Variants in EYS observed in about 807,000 individuals in gnomAD.
The protein encoded by EYS is EGF-like photoreceptor maintenance factor.
In EYS, 250 loss-of-function variants were observed where a neutral mutation model predicts 282.1. That is an observed-to-expected ratio of 0.89 (90% CI 0.80 to 0.98). EYS has a LOEUF of 0.98. Among genes scored for constraint, EYS ranks in the 50% least tolerant of loss-of-function variants. EYS has a pLI of 0.00. For missense variants in EYS, 4,016 were observed against 3,709.0 expected, an observed-to-expected ratio of 1.08 and a Z score of -2.15; for synonymous variants, 1,355 against 1,282.9, an observed-to-expected ratio of 1.06 and a Z score of -1.20.
At chr6:64,419,139 G>A (rs145375263) in intron 28 of EYS, among the ~76,000 whole-genome samples, 51 of 152,230 alleles carry the variant, frequency 3.4e-4, no homozygotes, top group Non-Finnish European at 6.5e-4. Context: ...ACGATCATAA[G>A]TAGCTATATT....
intron 30 of EYS, among the ~76,000 whole-genome samples, chr6:64,252,761 T>A (rs762360851): frequency 6.6e-6 from 1 of 152,192 alleles, no homozygotes; most frequent in Non-Finnish European, 1.5e-5. Context: ...CTGACACTCC[T>A]CTAGTACAAG....
At chr6:64,979,292 A>C (rs1299147791) in intron 14 of EYS, among the ~76,000 whole-genome samples, 1 of 151,830 alleles carries the variant, frequency 6.6e-6, no homozygotes, top group Non-Finnish European at 1.5e-5. Context: ...AACTTAAAAC[A>C]AGATGAAAAT....
At chr6:65,537,555 A>AAGAGAG (rs3049760) in intron 2 of EYS, among the ~76,000 whole-genome samples, 6 of 151,396 alleles carry the variant, frequency 4.0e-5, no homozygotes, top group East Asian at 2.0e-4. Flanking sequence ...CAGAGAGAGA[A>AAGAGAG]AGAGAGAGAG....
chr6:65,568,760 A>G (rs1324556047), intron 2 of EYS, among the ~76,000 whole-genome samples: 1 of 152,140 alleles, frequency 6.6e-6, no homozygotes, highest in African/African-American at 2.4e-5. Context: ...GTCTTTTCTA[A>G]TTGACAAAAG....
intron 33 of EYS, among the ~76,000 whole-genome samples, chr6:64,005,310 T>C (rs1254964816): frequency 1.3e-5 from 2 of 152,204 alleles, no homozygotes; most frequent in East Asian, 3.8e-4. Context: ...GCCCACTTTT[T>C]AGTGAGGTTT....
chr6:64,260,603 C>T (rs1433406867), intron 30 of EYS, among the ~76,000 whole-genome samples: 2 of 151,998 alleles, frequency 1.3e-5, no homozygotes, highest in African/African-American at 4.8e-5. Flanking sequence ...TTAATCTGCC[C>T]TCTCTATTAA....
chr6:65,207,797 A>G (rs1766073325), intron 12 of EYS, among the ~76,000 whole-genome samples: 1 of 151,818 alleles, frequency 6.6e-6, no homozygotes, highest in South Asian at 2.1e-4. Flanking sequence ...CATTTAAAAA[A>G]TGGTGATGGA....
chr6:64,023,368 G>A (rs1192397013), intron 33 of EYS, among the ~76,000 whole-genome samples: 1 of 152,180 alleles, frequency 6.6e-6, no homozygotes, highest in African/African-American at 2.4e-5. Context: ...ATCTGGGGTG[G>A]AATTGTGGGG....
At chr6:64,227,111 T>C (rs1766273644) in intron 31 of EYS, among the ~76,000 whole-genome samples, 1 of 152,092 alleles carries the variant, frequency 6.6e-6, no homozygotes. Flanking sequence ...CTTTCATCAG[T>C]TATGTCTAGA....
At chr6:64,890,425 C>G (rs1271434983) in intron 18 of EYS, among the ~76,000 whole-genome samples, 1 of 152,134 alleles carries the variant, frequency 6.6e-6, no homozygotes, top group Non-Finnish European at 1.5e-5. Flanking sequence ...ACGGAACCTA[C>G]AGACATGTGA....
At chr6:65,327,188 T>C (rs1769645901) in intron 11 of EYS, among the ~76,000 whole-genome samples, 1 of 151,668 alleles carries the variant, frequency 6.6e-6, no homozygotes, top group South Asian at 2.1e-4. Context: ...CACCTTGATA[T>C]ATCAAGTCTG....
intron 5 of EYS, among the ~76,000 whole-genome samples, chr6:65,469,659 T>G (rs1765135369): frequency 6.6e-6 from 1 of 152,122 alleles, no homozygotes. Flanking sequence ...ATTTGTATTT[T>G]TCAAGAAAGA....
chr6:64,072,423 T>C (rs1771616615), intron 32 of EYS, among the ~76,000 whole-genome samples: 1 of 151,884 alleles, frequency 6.6e-6, no homozygotes, highest in African/African-American at 2.4e-5. Context: ...TTCTTATTTT[T>C]CCCATGGCTT....
At chr6:63,882,056 T>C (rs912835391) in intron 35 of EYS, among the ~76,000 whole-genome samples, 1 of 152,202 alleles carries the variant, frequency 6.6e-6, no homozygotes, top group African/African-American at 2.4e-5. Context: ...GAACTTTTAA[T>C]TGAAAAAACC....
At chr6:64,202,414 T>G (rs1227552331) in intron 31 of EYS, among the ~76,000 whole-genome samples, 3 of 152,208 alleles carry the variant, frequency 2.0e-5, no homozygotes. Flanking sequence ...AATTTCTTGT[T>G]TATTTTTTAG....
chr6:64,064,446 A>T (rs1021315590), intron 33 of EYS, among the ~76,000 whole-genome samples: 2 of 152,216 alleles, frequency 1.3e-5, no homozygotes, highest in African/African-American at 2.4e-5. Flanking sequence ...TGTAATATAT[A>T]GTCCTAGGGT....
chr6:64,232,432 G>A lies in EYS; in HGVS notation c.6192-1608C>T, dbSNP rs1582460244. On this transcript the variant is annotated intron_variant, in intron 30 of 42. Coordinates refer to ENST00000503581, the MANE Select transcript of EYS (RefSeq NM_001142800.2). ...GGGATGAAGTTTTACTCTTATTGCC[G>A]AGGCTGGAGTGCAATGGTGCGATCT... Among the ~76,000 whole-genome samples the A allele has an allele frequency of 2.6e-5, 4 of 151,888 alleles. 1 individual carries two copies. In the South Asian group the frequency reaches 8.3e-4, roughly 32 times the overall value.
At chr6:64,043,445 C>A (rs540048369) in intron 33 of EYS, among the ~76,000 whole-genome samples, 1 of 152,220 alleles carries the variant, frequency 6.6e-6, no homozygotes, top group African/African-American at 2.4e-5. Context: ...GAGCCAGGAC[C>A]GCTACTTGAT....
Position 64,591,870 on chromosome 6 carries a change from G to A in EYS, c.3997C>T (p.Leu1333Phe). 6.4e-7 allele frequency: 1 copy of A among 1,551,206 alleles called. No homozygotes were observed. Residue 1333 changes from leucine (L) to phenylalanine (F), a missense_variant, in exon 26 of 43, where the codon CTT becomes TTT. By Grantham distance (22) the Leu-to-Phe change is conservative. Transcript: ENST00000503581. ...LLQELIVTRE[L>F]SAKHSLLSSA... ...GAAAGAAGACTGTGTTTTGCTGAAA[G>A]CTCTCTAGTGACAATCAGTTCTTGG...
Sources: allele counts gnomAD v4.1 joint callset (sites outside exome capture counted in the v4.1 genomes callset), GRCh38; gene constraint gnomAD v4.1.1; transcripts MANE v1.5; gene names NCBI Gene and HGNC (gene_info 2026-07-23, HGNC 2026-07-21).